Variants in BUB1B observed in about 807,000 individuals in gnomAD.
BUB1B encodes the protein mitotic checkpoint serine/threonine-protein kinase BUB1 beta.
A neutral mutation model predicts 137.7 loss-of-function variants in BUB1B; 86 were observed. The ratio of observed to expected loss-of-function variants is 0.62; its 90% CI spans 0.52 to 0.75. The LOEUF is 0.75. BUB1B is among the 30% of genes least tolerant of loss of function. The probability of loss-of-function intolerance (pLI) is 0.00; values close to 1 mark genes in which losing one functional copy is unlikely to be tolerated. For missense variants in BUB1B, 1,130 were observed against 1,236.9 expected (o/e 0.91, Z 1.30); for synonymous variants, 420 against 417.9 (o/e 1.00, Z -0.06).
chr15:40,184,036 T>G (rs1049354554), intron 6 of BUB1B, among the ~76,000 whole-genome samples, 153 bp downstream of exon 6: 2 of 152,160 alleles, frequency 1.3e-5, no homozygotes, highest in Non-Finnish European at 2.9e-5. Context: ...AATATTACAG[T>G]GTGCAGTAAA....
At chr15:40,180,251 C>CTTTTT (rs34300396) in intron 5 of BUB1B, among the ~76,000 whole-genome samples, 3,363 of 90,318 alleles carry the variant, frequency 0.037, 305 homozygotes, top group African/African-American at 0.13. Flanking sequence ...CGTTTCGTTT[C>CTTTTT]TTTTTTTTTT....
intron 9 of BUB1B, among the ~76,000 whole-genome samples, chr15:40,197,571 C>T (rs2037513682): frequency 6.6e-6 from 1 of 152,090 alleles, no homozygotes; most frequent in Admixed American, 6.5e-5. Context: ...TTTATACATC[C>T]GTATCCAGAA....
intron 15 of BUB1B, among the ~76,000 whole-genome samples, chr15:40,208,283 A>C (rs758942157): frequency 2.0e-5 from 3 of 152,212 alleles, no homozygotes; most frequent in Non-Finnish European, 4.4e-5. Flanking sequence ...CACGCCTATA[A>C]TCCCAGCACT....
At chr15:40,208,864 T>A in intron 16 of BUB1B, 94 bp downstream of exon 16, 5 of 1,278,366 alleles carry the variant, frequency 3.9e-6, no homozygotes, top group Non-Finnish European at 5.6e-6. Context: ...AGACAGGGTC[T>A]CACTCTGTCA....
At position 40,161,110 on chromosome 15, in the gene BUB1B, G is replaced by A. The variant is rs943683902; in HGVS notation, c.-111G>A. The A allele has an allele frequency of 7.0e-6, 10 of 1,419,454 alleles. 1 individual carries two copies. The highest frequency in any genetic ancestry group is 1.3e-5 in the South Asian group (1 of 76,326). The allele number at this position is 1,419,454 out of a possible 1,614,324, so 87.9% of individuals were successfully genotyped here. ...CGGTTTGTTAGGGAGTCGTGTACGTGCCTTGGTCGCTTCTGTAGCTCCGAG... is the reference window on the plus strand; with the variant it reads ...CGGTTTGTTAGGGAGTCGTGTACGTACCTTGGTCGCTTCTGTAGCTCCGAG... On this transcript the variant is annotated 5_prime_UTR_variant, in exon 1 of 23. Transcript: ENST00000287598.
chr15:40,206,426 C>A lies in BUB1B; in HGVS notation c.1977C>A (p.Ile659=), dbSNP rs992499879. The change falls in exon 15 of 23, where the codon ATC becomes ATA. Residue 659 remains isoleucine (I), a synonymous_variant. Transcript: ENST00000287598. ...ACCAGCAGACAGCTTGTGGCACTAT[C>A]TACAGTCAGACTCTCAGCATCAAGA... The part of the protein sequence containing the change: ...SEDQQTACGT[I]YSQTLSIKKL... 7 of 1,614,066 alleles carry A rather than the reference C, an allele frequency of 4.3e-6. No homozygotes were observed. Among genetic ancestry groups the A allele is most frequent in the Admixed American group, 1.7e-5 (1 of 59,998 alleles).
At chr15:40,188,835 C>A (rs1015406857) in intron 8 of BUB1B, among the ~76,000 whole-genome samples, 3 of 152,044 alleles carry the variant, frequency 2.0e-5, no homozygotes, top group Non-Finnish European at 4.4e-5. Flanking sequence ...CCCGCCTTAG[C>A]CTCCCAAAGT....
At chr15:40,216,567 A>ATT (rs1395711518) in intron 20 of BUB1B, among the ~76,000 whole-genome samples, 6 of 57,594 alleles carry the variant, frequency 1.0e-4, no homozygotes, top group South Asian at 5.6e-4. Context: ...ATATATATAT[A>ATT]TATATTTTTT....
intron 2 of BUB1B, among the ~76,000 whole-genome samples, chr15:40,167,867 A>G (rs114180109): frequency 6.1e-4 from 92 of 151,744 alleles, no homozygotes; most frequent in African/African-American, 2.0e-3. Flanking sequence ...TCTGGACTCT[A>G]TATTCTGTTC....
chr15:40,184,702 G>A (rs1311468834), intron 6 of BUB1B, among the ~76,000 whole-genome samples: 2 of 152,084 alleles, frequency 1.3e-5, no homozygotes, highest in African/African-American at 4.8e-5. Flanking sequence ...ATTTCATCCA[G>A]ATCATGATGA....
At chr15:40,174,280 C>T (rs1480800685) in intron 4 of BUB1B, among the ~76,000 whole-genome samples, 2 of 152,150 alleles carry the variant, frequency 1.3e-5, no homozygotes, top group Non-Finnish European at 2.9e-5. Flanking sequence ...TGAAACACCA[C>T]CACATATGAG....
At chr15:40,172,689 C>G (rs552010075) in intron 4 of BUB1B, among the ~76,000 whole-genome samples, 75 of 152,154 alleles carry the variant, frequency 4.9e-4, no homozygotes, top group African/African-American at 1.8e-3. Flanking sequence ...GCAGTTCAGA[C>G]CTGTGTTGTT....
chr15:40,187,402 A>G (rs549895812), intron 8 of BUB1B, among the ~76,000 whole-genome samples: 1 of 152,056 alleles, frequency 6.6e-6, no homozygotes, highest in Admixed American at 6.6e-5. Context: ...CTGGGATTAC[A>G]GATGTGAGCC....
At chr15:40,201,050 A>G in intron 12 of BUB1B, 70 bp downstream of exon 12, 1 of 1,420,920 alleles carries the variant, frequency 7.0e-7, no homozygotes, top group East Asian at 2.3e-5. Context: ...AATGGTAAAT[A>G]TTTTTAATTA....
rs1060499942 is a variant in BUB1B, at chr15:40,196,565, C to G, written c.1079C>G (p.Pro360Arg). Residue 360 changes from proline (P) to arginine (R), a missense_variant, in exon 9 of 23, where the codon CCT (proline) becomes CGT (arginine). Physicochemically the swap from Pro to Arg is moderately radical, Grantham distance 103. Transcript: ENST00000287598. ...QPVMTPCKIEPSINHILSTRK... is the reference protein window; with the variant it reads ...QPVMTPCKIERSINHILSTRK... Reference sequence around the variant, plus strand: ...TTTAGGACACCATGTAAAATTGAACCTAGTATAAACCACATCCTAAGCACC... The same window carrying G: ...TTTAGGACACCATGTAAAATTGAACGTAGTATAAACCACATCCTAAGCACC... 3 of 1,613,554 alleles carry G rather than the reference C, an allele frequency of 1.9e-6. No homozygotes were observed. Among genetic ancestry groups the G allele is most frequent in the Non-Finnish European group, 2.5e-6 (3 of 1,179,802 alleles).
In BUB1B at chr15:40,206,172, T is replaced by C. The variant is rs766871849; in HGVS notation, c.1735-12T>C. 3.1e-6 allele frequency: 5 copies of C among 1,613,816 alleles called. No homozygotes were observed. The East Asian group carries it at 1.1e-4, about 36-fold the overall frequency. The stretch of plus-strand genomic sequence containing the variant: ...AATATTTTAGCTAAACTTTATATGG[T>C]CTTTATTTCAGGATGAATTTACAGG... On this transcript the variant is annotated splice_polypyrimidine_tract_variant and intron_variant, in intron 14 of 22. Coordinates refer to ENST00000287598, the MANE Select transcript of BUB1B (RefSeq NM_001211.6).
chr15:40,213,525 A>C, intron 20 of BUB1B, 51 bp downstream of exon 20: 1 of 1,602,692 alleles, frequency 6.2e-7, no homozygotes, highest in African/African-American at 1.3e-5. Context: ...TAAAACATGG[A>C]TAGTTGCCAC....
In BUB1B at chr15:40,208,752, C is replaced by T. The variant is rs748990758; in HGVS notation, c.2125C>T (p.Leu709Phe). ...TCTTCAAATTCCTGAGAAACTAGAACTTACTAATGAGACTTCAGGTAGGAT... is the reference window on the plus strand; with the variant it reads ...TCTTCAAATTCCTGAGAAACTAGAATTTACTAATGAGACTTCAGGTAGGAT... ...KCLQIPEKLE[L>F]TNETSENPTQ... Residue 709 changes from leucine (L) to phenylalanine (F), a missense_variant, in exon 16 of 23, where the codon CTT (leucine) becomes TTT (phenylalanine). By Grantham distance (22) the Leu-to-Phe change is conservative (BLOSUM62 0). Coordinates refer to ENST00000287598, the MANE Select transcript of BUB1B (RefSeq NM_001211.6). 1 of 1,612,934 alleles carries T rather than the reference C, an allele frequency of 6.2e-7. No homozygotes were observed. Among genetic ancestry groups the T allele is most frequent in the Non-Finnish European group, 8.5e-7 (1 of 1,178,970 alleles).
At chr15:40,180,431 A>G (rs1322372912) in intron 5 of BUB1B, among the ~76,000 whole-genome samples, 2 of 150,748 alleles carry the variant, frequency 1.3e-5, no homozygotes, top group Admixed American at 1.3e-4. Context: ...ACACCCGGCT[A>G]ATTTTTGTAG....
Sources: gnomAD v4.1 joint callset for allele counts (sites outside exome capture counted in the v4.1 genomes callset) on GRCh38, gnomAD v4.1.1 for gene constraint, MANE v1.5 for transcripts, NCBI Gene and HGNC (gene_info 2026-07-23, HGNC 2026-07-21) for gene names.